TSGA10: variants seen among roughly 807,000 people sequenced by gnomAD.
TSGA10 encodes the protein testis-specific gene 10 protein.
In TSGA10, 43 loss-of-function variants were observed where a neutral mutation model predicts 96.6. That is an observed-to-expected ratio of 0.44 (90% CI 0.35 to 0.57). The LOEUF (loss-of-function observed/expected upper bound fraction) is 0.57, where lower values mean the gene tolerates loss of function less well. Among genes scored for constraint, TSGA10 ranks in the 20% least tolerant of loss-of-function variants. The probability of loss-of-function intolerance (pLI) is 0.01; values close to 1 mark genes in which losing one functional copy is unlikely to be tolerated. For synonymous variants in TSGA10, 229 were observed against 269.9 expected (o/e 0.85, Z 1.48); for missense variants, 703 against 834.4 (o/e 0.84, Z 1.94).
chr2:99,143,473 CTTTTT>C (rs1291055324), intron 1 of TSGA10, among the ~76,000 whole-genome samples: 3 of 143,746 alleles, frequency 2.1e-5, no homozygotes, highest in Non-Finnish European at 3.0e-5. Flanking sequence ...TTTTTTTTTC[CTTTTT>C]TTTAAGACAG....
At chr2:99,088,858 A>C (rs1257769010) in intron 10 of TSGA10, among the ~76,000 whole-genome samples, 1 of 152,222 alleles carries the variant, frequency 6.6e-6, no homozygotes, top group Non-Finnish European at 1.5e-5. Context: ...TCACAATTTT[A>C]AAAAAGGATT....
At chr2:99,144,188 T>C (rs193002295) in intron 1 of TSGA10, among the ~76,000 whole-genome samples, 1,634 of 151,972 alleles carry the variant, frequency 0.011, 9 homozygotes, top group Middle Eastern at 0.027. Flanking sequence ...GCCCGGCTAA[T>C]TTTTTTGTAT....
chr2:99,002,903 A>C (rs1295783226), intron 20 of TSGA10, among the ~76,000 whole-genome samples: 5 of 151,686 alleles, frequency 3.3e-5, no homozygotes, highest in Admixed American at 6.6e-5. Flanking sequence ...TCTGTCGCCC[A>C]GGCTGGAGTG....
chr2:99,035,737 G>GAT (rs1175036196), intron 16 of TSGA10, among the ~76,000 whole-genome samples: 1 of 151,310 alleles, frequency 6.6e-6, no homozygotes, highest in Admixed American at 6.6e-5. Context: ...AACTAGTTGA[G>GAT]ATATATCATT....
At chr2:99,048,529 T>G (rs2083037436) in intron 16 of TSGA10, among the ~76,000 whole-genome samples, 1 of 152,194 alleles carries the variant, frequency 6.6e-6, no homozygotes. Flanking sequence ...GCTAGCCATA[T>G]GCAGAAAACT....
intron 10 of TSGA10, among the ~76,000 whole-genome samples, chr2:99,088,839 A>C (rs2088904404): frequency 6.6e-6 from 1 of 152,230 alleles, no homozygotes; most frequent in African/African-American, 2.4e-5. Flanking sequence ...TATACTATGG[A>C]CTACTACTTC....
chr2:99,018,249 G>A lies in TSGA10; in HGVS notation c.2023C>T (p.Arg675Cys), dbSNP rs147188349. ...KPNTKCHSPE[R>C]AHHRSPDRGL... ...CGGTCAGGAGATCGATGGTGAGCAC[G>A]TTCTGGTGAATGACATTTTGTATTT... The change falls in exon 20 of 21, where the codon CGT becomes TGT. Residue 675 changes from arginine (R) to cysteine (C), a missense_variant. This residue lies in a region of TSGA10 where 69 missense variants were observed against 81.3 expected (regional missense o/e 0.85). Transcript: ENST00000393483. 1.6e-5 allele frequency: 26 copies of A among 1,613,850 alleles called. No homozygotes were observed. Among genetic ancestry groups the A allele is most frequent in the South Asian group, 3.3e-5 (3 of 91,082 alleles).
At chr2:99,027,453 T>C (rs1428557901) in intron 17 of TSGA10, among the ~76,000 whole-genome samples, 1 of 152,112 alleles carries the variant, frequency 6.6e-6, no homozygotes, top group Non-Finnish European at 1.5e-5. Context: ...GAGAAATAAG[T>C]TTTGGTGATT....
intron 17 of TSGA10, among the ~76,000 whole-genome samples, chr2:99,021,399 A>G (rs572121678): frequency 2.6e-5 from 4 of 152,322 alleles, no homozygotes; most frequent in Admixed American, 6.5e-5. Flanking sequence ...TTAATAGCTT[A>G]TATCTCTACT....
At chr2:99,017,205 G>C (rs185284945) in intron 20 of TSGA10, among the ~76,000 whole-genome samples, 1 of 152,116 alleles carries the variant, frequency 6.6e-6, no homozygotes, top group African/African-American at 2.4e-5. Flanking sequence ...ACTTGCACAC[G>C]CATGTTTGTA....
intron 16 of TSGA10, among the ~76,000 whole-genome samples, chr2:99,039,298 T>A (rs2081974033): frequency 7.3e-6 from 1 of 136,506 alleles, no homozygotes; most frequent in African/African-American, 2.8e-5. Flanking sequence ...AGAATTAAAA[T>A]GGAAACAACC....
At chr2:99,075,990 A>G (rs747924087) in intron 12 of TSGA10, among the ~76,000 whole-genome samples, 1 of 152,196 alleles carries the variant, frequency 6.6e-6, no homozygotes, top group African/African-American at 2.4e-5. Context: ...AGTATTTACC[A>G]TCTCATGCCC....
chr2:99,109,041 A>T (rs774843270), intron 6 of TSGA10, 50 bp from the exon 7 acceptor site: 1 of 1,358,604 alleles, frequency 7.4e-7, no homozygotes, highest in South Asian at 1.7e-5. Context: ...TAGTACTGAT[A>T]GAAAGGTGCT....
chr2:99,066,382 C>T (rs1449554577), intron 15 of TSGA10, among the ~76,000 whole-genome samples: 2 of 152,158 alleles, frequency 1.3e-5, no homozygotes, highest in Non-Finnish European at 2.9e-5. Context: ...GGTGCTTGTA[C>T]AATATACTTA....
At chr2:99,118,915 AT>A (rs1240099819) in intron 2 of TSGA10, 1 of 151,964 alleles carries the variant, frequency 6.6e-6, no homozygotes, top group African/African-American at 2.4e-5. Flanking sequence ...TATTTAACAA[AT>A]ATTTATTGAG....
Position 99,144,704 on chromosome 2 carries a change from T to C in TSGA10, c.-621+9989A>G, listed in dbSNP as rs72959115. On this transcript the variant is annotated intron_variant, in intron 1 of 20. Coordinates refer to ENST00000393483, the MANE Select transcript of TSGA10 (RefSeq NM_025244.4). ...AAAGCATGAGGATAAGTCTGGTCTCTGTTACTCCATCATGACTAGCAGCAG... is the reference window on the plus strand; with the variant it reads ...AAAGCATGAGGATAAGTCTGGTCTCCGTTACTCCATCATGACTAGCAGCAG... Among the ~76,000 whole-genome samples, 703 of 148,882 alleles carry C rather than the reference T, an allele frequency of 4.7e-3. 10 individuals are homozygous for C. Among genetic ancestry groups the C allele is most frequent in the African/African-American group, 0.016 (668 of 40,664 alleles).
chr2:99,033,158 CTG>C (rs2081296182), intron 17 of TSGA10, among the ~76,000 whole-genome samples: 1 of 152,196 alleles, frequency 6.6e-6, no homozygotes, highest in East Asian at 1.9e-4. Context: ...AGTCTACACA[CTG>C]TGTCATCTAT....
At chr2:99,128,955 C>CCTGG (rs1312797292) in intron 1 of TSGA10, among the ~76,000 whole-genome samples, 2 of 152,136 alleles carry the variant, frequency 1.3e-5, no homozygotes, top group Non-Finnish European at 1.5e-5. Flanking sequence ...CCTATGCTGC[C>CCTGG]CTGGCTGGTC....
chr2:99,123,964 C>CTA (rs2092703493), intron 2 of TSGA10, among the ~76,000 whole-genome samples: 2 of 152,172 alleles, frequency 1.3e-5, no homozygotes, highest in African/African-American at 2.4e-5. Context: ...CTACTGGAGT[C>CTA]CGTGTTTTCA....
Sources: gnomAD v4.1 joint callset for allele counts (sites outside exome capture counted in the v4.1 genomes callset) on GRCh38, gnomAD v4.1.1 for gene constraint, gnomAD v4.1.1 regional missense constraint, MANE v1.5 for transcripts, NCBI Gene and HGNC (gene_info 2026-07-23, HGNC 2026-07-21) for gene names.